Variants in SNRPD1 observed in about 807,000 individuals in gnomAD.
SNRPD1 encodes the protein small nuclear ribonucleoprotein D1 polypeptide, also known as small nuclear ribonucleoprotein Sm D1.
A neutral mutation model predicts 14.4 loss-of-function variants in SNRPD1; 1 was observed. That is an observed-to-expected ratio of 0.07 (90% CI 0.02 to 0.33). SNRPD1 has a LOEUF of 0.33. Ranked by LOEUF, SNRPD1 falls within the 10% of genes least tolerant of loss-of-function variation. The pLI is 1.00. For synonymous variants in SNRPD1, 42 were observed against 50.3 expected (o/e 0.83, Z 0.70); for missense variants, 52 against 146.4 (o/e 0.36, Z 3.33).
intron 1 of SNRPD1, among the ~76,000 whole-genome samples, chr18:21,619,074 T>G (rs2038978283): frequency 6.6e-6 from 1 of 152,214 alleles, no homozygotes; most frequent in Admixed American, 6.5e-5. Flanking sequence ...GGGTTCATTT[T>G]CTTAGATGTG....
chr18:21,624,088 A>G, intron 3 of SNRPD1, 149 bp downstream of exon 3: 2 of 622,054 alleles, frequency 3.2e-6, no homozygotes, highest in Non-Finnish European at 5.5e-6. Context: ...TTGCTATTAA[A>G]AACATTGAGC....
chr18:21,623,238 C>T (rs35826246), intron 2 of SNRPD1, among the ~76,000 whole-genome samples: 5,465 of 152,240 alleles, frequency 0.036, 142 homozygotes, highest in Non-Finnish European at 0.047. Flanking sequence ...GTTATGGGTG[C>T]GTGCCACCAC....
intron 1 of SNRPD1, among the ~76,000 whole-genome samples, chr18:21,621,691 C>T (rs1365856296): frequency 1.3e-5 from 2 of 152,140 alleles, no homozygotes; most frequent in Non-Finnish European, 2.9e-5. Flanking sequence ...GATTCTCCTG[C>T]CTCAGCCTTC....
At chr18:21,625,011 C>T (rs893309633) in intron 3 of SNRPD1, among the ~76,000 whole-genome samples, 1 of 152,030 alleles carries the variant, frequency 6.6e-6, no homozygotes, top group African/African-American at 2.4e-5. Flanking sequence ...ACAGATACAA[C>T]CATCATAGGC....
At chr18:21,614,543 A>C (rs117688795) in intron 1 of SNRPD1, among the ~76,000 whole-genome samples, 2,867 of 152,204 alleles carry the variant, frequency 0.019, 45 homozygotes, top group Non-Finnish European at 0.031. Context: ...TTTTCAGTAG[A>C]TTTATTTCTG....
At position 21,630,448 on chromosome 18, in the gene SNRPD1, T is replaced by C. The variant is rs1209089449; in HGVS notation, c.*1310T>C. The C allele has an allele frequency of 6.6e-6, 1 of 152,064 alleles. No homozygotes were observed. The highest frequency in any genetic ancestry group is 1.9e-4 in the East Asian group (1 of 5,194). 9.4% of individuals were successfully genotyped at this position (152,064 alleles called of 1,614,324 possible). On this transcript the variant is annotated 3_prime_UTR_variant, in exon 4 of 4. Transcript: ENST00000300413. ...TTTTTTTTTTTTAAGTAAAGAAATT[T>C]TCTGCAAAGATCGTTACCTTAAAAA...
At chr18:21,622,881 G>A (rs2039008538) in intron 2 of SNRPD1, 80 bp downstream of exon 2, 1 of 703,660 alleles carries the variant, frequency 1.4e-6, no homozygotes, top group Non-Finnish European at 2.5e-6. Flanking sequence ...ATTGCTTAAT[G>A]AACATTATTG....
chr18:21,628,390 A>C (rs1047683844), intron 3 of SNRPD1, among the ~76,000 whole-genome samples: 1 of 152,098 alleles, frequency 6.6e-6, no homozygotes, highest in African/African-American at 2.4e-5. Context: ...AAAAACAAAA[A>C]CATTTAGAAT....
At chr18:21,616,811 G>A (rs1188382695) in intron 1 of SNRPD1, among the ~76,000 whole-genome samples, 1 of 150,596 alleles carries the variant, frequency 6.6e-6, no homozygotes, top group Non-Finnish European at 1.5e-5. Context: ...TCAGCCTCCC[G>A]AGTAGCTGGG....
intron 1 of SNRPD1, among the ~76,000 whole-genome samples, chr18:21,617,665 C>A (rs371902300): frequency 4.3e-4 from 65 of 152,262 alleles, no homozygotes; most frequent in Middle Eastern, 6.8e-3. Context: ...ATGAAAGGAA[C>A]CTGCCTAACT....
intron 1 of SNRPD1, among the ~76,000 whole-genome samples, chr18:21,613,248 A>G (rs773446342): frequency 3.5e-4 from 53 of 152,188 alleles, no homozygotes; most frequent in African/African-American, 1.2e-3. Context: ...ATAATTCTAA[A>G]CTACCTGCAA....
At position 21,629,668 on chromosome 18, in the gene SNRPD1, C is replaced by G. The variant is rs549413252; in HGVS notation, c.*530C>G. On this transcript the variant is annotated 3_prime_UTR_variant, in exon 4 of 4. Coordinates refer to ENST00000300413, the MANE Select transcript of SNRPD1 (RefSeq NM_006938.4). ...GTTGGCTGAAACTTAGTGATTGCCACAAGAGTAGGGTACCGTCTGTTTACA... is the reference window on the plus strand; with the variant it reads ...GTTGGCTGAAACTTAGTGATTGCCAGAAGAGTAGGGTACCGTCTGTTTACA... The G allele has an allele frequency of 6.5e-6, 1 of 154,802 alleles. No individual in the cohort carries two copies. The highest frequency in any genetic ancestry group is 2.0e-4 in the South Asian group (1 of 5,032). 9.6% of individuals were successfully genotyped at this position (154,802 alleles called of 1,614,324 possible). A position where few individuals can be genotyped will look rare whatever the true frequency, so the allele number is the denominator to read the frequency against.
intron 1 of SNRPD1, among the ~76,000 whole-genome samples, chr18:21,622,494 G>C (rs2039005853): frequency 6.6e-6 from 1 of 152,072 alleles, no homozygotes; most frequent in Non-Finnish European, 1.5e-5. Flanking sequence ...CTGGATTTCA[G>C]GTTTGAGAAT....
At chr18:21,613,637 A>G (rs1255453315) in intron 1 of SNRPD1, among the ~76,000 whole-genome samples, 1 of 152,024 alleles carries the variant, frequency 6.6e-6, no homozygotes, top group East Asian at 1.9e-4. Flanking sequence ...CGGGTGGATC[A>G]CTAGGTCAGG....
intron 3 of SNRPD1, among the ~76,000 whole-genome samples, chr18:21,627,434 G>GTT (rs71178190): frequency 0.018 from 1,746 of 97,134 alleles, 28 homozygotes; most frequent in African/African-American, 0.034. Flanking sequence ...CTTTTCTTGG[G>GTT]TTTTTTTTTT....
Position 21,629,783 on chromosome 18 carries a change from T to C in SNRPD1, c.*645T>C, listed in dbSNP as rs1598495629. On this transcript the variant is annotated 3_prime_UTR_variant, in exon 4 of 4. Transcript: ENST00000300413. Reference sequence around the variant, plus strand: ...AGACTTTAGGCTAAACTTAACAATATATATAGGATATATACCCTTCTACTT... The same window carrying C: ...AGACTTTAGGCTAAACTTAACAATACATATAGGATATATACCCTTCTACTT... The C allele has an allele frequency of 6.6e-6, 1 of 152,374 alleles. No homozygotes were observed. Among genetic ancestry groups the C allele is most frequent in the Non-Finnish European group, 1.5e-5 (1 of 68,164 alleles). 9.4% of individuals were successfully genotyped at this position (152,374 alleles called of 1,614,324 possible). A position where few individuals can be genotyped will look rare whatever the true frequency, so the allele number is the denominator to read the frequency against.
At chr18:21,618,199 G>A (rs1358321542) in intron 1 of SNRPD1, among the ~76,000 whole-genome samples, 1 of 152,050 alleles carries the variant, frequency 6.6e-6, no homozygotes, top group Admixed American at 6.6e-5. Context: ...AAGGCAGGCT[G>A]ATTGCTTGAG....
At chr18:21,612,861 T>C (rs921404112) in intron 1 of SNRPD1, among the ~76,000 whole-genome samples, 7 of 152,238 alleles carry the variant, frequency 4.6e-5, no homozygotes, top group African/African-American at 1.7e-4. Flanking sequence ...GACTTCCGGC[T>C]TCACAAGTTT....
chr18:21,628,934 T>G (rs1243168483), intron 3 of SNRPD1, 128 bp from the exon 4 acceptor site: 8 of 748,336 alleles, frequency 1.1e-5, no homozygotes, highest in East Asian at 4.9e-5. Context: ...TAGTTAAACT[T>G]TATTTACTGT....
Sources: allele counts gnomAD v4.1 joint callset (sites outside exome capture counted in the v4.1 genomes callset), GRCh38; gene constraint gnomAD v4.1.1; transcripts MANE v1.5; gene names NCBI Gene and HGNC (gene_info 2026-07-23, HGNC 2026-07-21).